Variants in ZNF248 observed in about 807,000 individuals in gnomAD.
ZNF248 encodes zinc finger protein 248.
A neutral mutation model predicts 44.3 loss-of-function variants in ZNF248; 20 were observed. That is an observed-to-expected ratio of 0.45 (90% CI 0.32 to 0.66). The LOEUF (loss-of-function observed/expected upper bound fraction) is 0.66. Among genes scored for constraint, ZNF248 ranks in the 30% least tolerant of loss-of-function variants. ZNF248 has a pLI of 0.04. For missense variants in ZNF248, 654 were observed against 677.0 expected (o/e 0.97, Z 0.38); for synonymous variants, 224 against 229.0 (o/e 0.98, Z 0.20).
chr10:37,833,237 G>C (rs2056339436), intron 5 of ZNF248, 121 bp from the exon 6 acceptor site: 1 of 1,369,346 alleles, frequency 7.3e-7, no homozygotes, highest in East Asian at 2.5e-5. Flanking sequence ...GTTTCCTGGT[G>C]TGAACTGAGT....
At chr10:37,846,241 G>A (rs903946050) in intron 3 of ZNF248, among the ~76,000 whole-genome samples, 4 of 152,182 alleles carry the variant, frequency 2.6e-5, no homozygotes, top group Non-Finnish European at 5.9e-5. Context: ...GTTTGGTTTG[G>A]TAACAGAAAG....
chr10:37,796,581 G>A (rs1185630255), intron 6 of ZNF248, among the ~76,000 whole-genome samples: 1 of 151,966 alleles, frequency 6.6e-6, no homozygotes, highest in Non-Finnish European at 1.5e-5. Flanking sequence ...GTCAAGACTA[G>A]GTTCACAGCT....
intron 3 of ZNF248, among the ~76,000 whole-genome samples, chr10:37,848,663 G>A (rs1005289478): frequency 2.0e-5 from 3 of 152,020 alleles, no homozygotes; most frequent in African/African-American, 7.2e-5. Context: ...TGAAAGATAC[G>A]GAATGGTAAG....
rs2053378972 is a variant in ZNF248 at position 37,821,024 on chromosome 10, G to T, written c.330+12001C>A. The stretch of plus-strand genomic sequence containing the variant: ...GTCTCCCGAGACTAAAGGTGCTCTG[G>T]GATCCCAAAGACCTACATAATTTTA... On this transcript the variant is annotated intron_variant, in intron 6 of 6. Transcript: ENST00000615949. The T allele has an allele frequency of 2.5e-6, 3 of 1,212,180 alleles. No individual in the cohort carries two copies. In the Admixed American group the frequency reaches 5.2e-5, roughly 21 times the overall value. 75.1% of individuals were successfully genotyped at this position (1,212,180 alleles called of 1,614,324 possible).
the ZNF248 span, among the ~76,000 whole-genome samples, chr10:37,764,487 A>T: frequency 6.6e-6 from 1 of 152,088 alleles, no homozygotes. Context: ...GAAGCATGTG[A>T]TCTCTGTGAC....
chr10:37,817,636 T>C (rs2052719596), intron 6 of ZNF248, among the ~76,000 whole-genome samples: 1 of 152,154 alleles, frequency 6.6e-6, no homozygotes. Context: ...CTTGCTAATA[T>C]GGGTTTCACT....
downstream of ZNF248, among the ~76,000 whole-genome samples, chr10:37,773,667 TTACTG>T (rs1458448447): frequency 6.6e-6 from 1 of 152,192 alleles, no homozygotes; most frequent in African/African-American, 2.4e-5. Flanking sequence ...GGCCATCCTC[TTACTG>T]TCTCTTCACA....
Position 37,831,665 on chromosome 10 carries a change from T to G in ZNF248, c.1690A>C (p.Thr564Pro). ...CTTGTGTGAATTCTCTGATGTTTGGTGAGCACTGACCTCTGACTAAAGGTC... is the reference window on the plus strand; with the variant it reads ...CTTGTGTGAATTCTCTGATGTTTGGGGAGCACTGACCTCTGACTAAAGGTC... The part of the protein sequence containing the change: ...GKTFSQRSVL[T>P]KHQRIHTRVK... Residue 564 changes from threonine to proline, a missense_variant, in exon 6 of 6, where the codon ACC becomes CCC. By Grantham distance (38) the Thr-to-Pro change is conservative (BLOSUM62 -1). Coordinates refer to ENST00000395867, the MANE Select transcript of ZNF248 (RefSeq NM_021045.3). 6.2e-7 allele frequency: 1 copy of G among 1,613,958 alleles called. No homozygotes were observed. The highest frequency in any genetic ancestry group is 8.5e-7 in the Non-Finnish European group (1 of 1,179,876).
the ZNF248 span, among the ~76,000 whole-genome samples, chr10:37,770,958 G>A: frequency 5.3e-5 from 8 of 152,128 alleles, no homozygotes; most frequent in Non-Finnish European, 1.0e-4. Context: ...AAAAGTGGGT[G>A]AAGGATATGA....
downstream of ZNF248, among the ~76,000 whole-genome samples, chr10:37,826,908 A>G (rs2054474033): frequency 6.6e-6 from 1 of 152,188 alleles, no homozygotes; most frequent in Non-Finnish European, 1.5e-5. Context: ...ACAGGCTCAT[A>G]TATATTGGTT....
chr10:37,797,341 T>C (rs2049275174), intron 6 of ZNF248, among the ~76,000 whole-genome samples: 1 of 151,190 alleles, frequency 6.6e-6, no homozygotes, highest in South Asian at 2.1e-4. Flanking sequence ...GCTAATACTT[T>C]AAAACCCCTT....
At chr10:37,819,042 A>C in intron 6 of ZNF248, 1 of 810,206 alleles carries the variant, frequency 1.2e-6, no homozygotes, top group Non-Finnish European at 2.2e-6. Context: ...CCACCCACTG[A>C]ATTGTAGCTA....
chr10:37,791,042 CTTTTTTTTTTTTTTTTTT>C (rs869199263), intron 6 of ZNF248, among the ~76,000 whole-genome samples: 2 of 50,920 alleles, frequency 3.9e-5, no homozygotes, highest in East Asian at 5.9e-4. Flanking sequence ...TTTGTTATTT[CTTTTTTTTTTTTTTTTTT>C]TTTTTTTTTT....
chr10:37,832,647 C>A lies in ZNF248; in HGVS notation c.708G>T (p.Gln236His), dbSNP rs2056103757. 6.2e-7 allele frequency: 1 copy of A among 1,613,210 alleles called. No homozygotes were observed. The highest frequency in any genetic ancestry group is 8.5e-7 in the Non-Finnish European group (1 of 1,179,906). ...TATATTTACAGACTGTCTCTCCTAT[C>A]TGAGATCTCTTATTTGTAAAAAATG... is the stretch of plus-strand genomic sequence containing the variant. Reference protein sequence around the residue: ...EAAFFTNKRSQIGETVCKYNE... With the variant: ...EAAFFTNKRSHIGETVCKYNE... The change falls in exon 6 of 6, where the codon CAG (glutamine) becomes CAT (histidine). Residue 236 changes from glutamine (Q) to histidine (H), a missense_variant. Coordinates refer to ENST00000395867, the MANE Select transcript of ZNF248 (RefSeq NM_021045.3).
chr10:37,852,085 T>C (rs977691193), intron 3 of ZNF248, among the ~76,000 whole-genome samples: 2 of 151,812 alleles, frequency 1.3e-5, no homozygotes, highest in African/African-American at 4.8e-5. Context: ...CTGTCTCTAC[T>C]AAAAATACAA....
At chr10:37,847,740 AT>A (rs201620913) in intron 3 of ZNF248, among the ~76,000 whole-genome samples, 9,108 of 151,986 alleles carry the variant, frequency 0.06, 354 homozygotes, top group Middle Eastern at 0.095. Flanking sequence ...ACAAAAAAAA[AT>A]TATCTTGAAT....
chr10:37,841,367 C>T (rs2058313582), intron 3 of ZNF248, among the ~76,000 whole-genome samples: 1 of 151,498 alleles, frequency 6.6e-6, no homozygotes, highest in African/African-American at 2.4e-5. Context: ...TATTTCCTAA[C>T]TTAACTCTAC....
At chr10:37,828,573 T>G (rs1290935635), downstream of ZNF248, among the ~76,000 whole-genome samples, 1 of 152,188 alleles carries the variant, frequency 6.6e-6, no homozygotes, top group Non-Finnish European at 1.5e-5. Flanking sequence ...GTGGAGGACA[T>G]GAAGACACAG....
chr10:37,789,708 A>AT (rs1171967529), intron 6 of ZNF248, among the ~76,000 whole-genome samples: 4 of 152,226 alleles, frequency 2.6e-5, no homozygotes, highest in African/African-American at 9.6e-5. Context: ...TATGAACTCT[A>AT]TAACATCAGC....
Sources: allele counts gnomAD v4.1 joint callset (sites outside exome capture counted in the v4.1 genomes callset), GRCh38; gene constraint gnomAD v4.1.1; transcripts MANE v1.5; gene names NCBI Gene and HGNC (gene_info 2026-07-23, HGNC 2026-07-21).